Variants in CCDC102A observed in about 807,000 individuals in gnomAD.
CCDC102A encodes the protein coiled-coil domain-containing protein 102A.
CCDC102A carries 40 observed loss-of-function variants against 55.5 expected under a neutral mutation model. That is an observed-to-expected ratio of 0.72 (90% confidence interval 0.56 to 0.94). CCDC102A has a LOEUF of 0.94. Ranked by LOEUF, CCDC102A falls within the 40% of genes least tolerant of loss-of-function variation. The probability of loss-of-function intolerance (pLI) is 0.00; values close to 1 mark genes in which losing one functional copy is unlikely to be tolerated. For missense variants in CCDC102A, 779 were observed against 768.6 expected (o/e 1.01, Z -0.16); for synonymous variants, 323 against 339.0 (o/e 0.95, Z 0.52).
rs762397265 is a variant in CCDC102A, at chr16:57,518,112, A to G, written c.1204T>C (p.Cys402Arg). Residue 402 changes from cysteine to arginine, a missense_variant, in exon 6 of 9, where the codon TGC (cysteine) becomes CGC (arginine). Physicochemically the swap from Cys to Arg is radical, Grantham distance 180. Transcript: ENST00000258214. The stretch of plus-strand genomic sequence containing the variant: ...GCGGCCTGGCTGGCCCTCAGGTCGC[A>G]GTCCAGTGCGCTGGCTGTTTGCCGC... ...RRRQTASALDCDLRASQAALF... is the reference protein window; with the variant it reads ...RRRQTASALDRDLRASQAALF... The G allele has an allele frequency of 3.7e-6, 6 of 1,607,908 alleles. No homozygotes were observed. Among genetic ancestry groups the G allele is most frequent in the African/African-American group, 1.3e-5 (1 of 74,998 alleles).
chr16:57,528,546 C>T, intron 2 of CCDC102A, 47 bp downstream of exon 2: 13 of 1,153,602 alleles, frequency 1.1e-5, no homozygotes, highest in Non-Finnish European at 1.3e-5. Flanking sequence ...CAATCGGCCC[C>T]GCCCACTTCG....
chr16:57,528,606 G>A lies in CCDC102A; in HGVS notation c.572C>T (p.Pro191Leu), dbSNP rs1198847357. The change falls in exon 2 of 9, where the codon CCG becomes CTG. Residue 191 changes from proline to leucine, a missense_variant. Transcript: ENST00000258214. ...EPVRDVGSER[P>L]PGSQELELVE... Reference sequence around the variant, plus strand: ...CGCGCCGCGCACCTGGCTGCCTGGCGGCCTCTCGGACCCGACGTCACGCAC... The same window carrying A: ...CGCGCCGCGCACCTGGCTGCCTGGCAGCCTCTCGGACCCGACGTCACGCAC... The A allele has an allele frequency of 1.6e-6, 2 of 1,270,630 alleles. No homozygotes were observed. The highest frequency in any genetic ancestry group is 3.9e-5 in the East Asian group (1 of 25,648). The allele number at this position is 1,270,630 out of a possible 1,614,324, so 78.7% of individuals were successfully genotyped here.
intron 3 of CCDC102A, among the ~76,000 whole-genome samples, chr16:57,524,908 C>T (rs901952340): frequency 5.3e-5 from 8 of 152,080 alleles, no homozygotes; most frequent in Admixed American, 3.9e-4. Flanking sequence ...CTCTGTCCTC[C>T]GGGAAACGGT....
rs1240927680 is a variant in CCDC102A at position 57,516,923 on chromosome 16, G to A, written c.1249-460C>T. The stretch of plus-strand genomic sequence containing the variant: ...AAAGAGATGCCCACCCTGGAGCTCT[G>A]TGAGTTCTCTAAGCCTCAGTTTCCA... On this transcript the variant is annotated intron_variant, in intron 6 of 8. Coordinates refer to ENST00000258214, the MANE Select transcript of CCDC102A (RefSeq NM_033212.4). The surrounding 1 kb of genome is among the most constrained non-coding windows in gnomAD (Gnocchi z 4.4). Among the ~76,000 whole-genome samples the A allele has an allele frequency of 6.6e-6, 1 of 152,188 alleles. No individual in the cohort carries two copies. The highest frequency in any genetic ancestry group is 1.5e-5 in the Non-Finnish European group (1 of 68,028).
Position 57,518,288 on chromosome 16 carries a change from G to C in CCDC102A, c.1039-11C>G. 1 of 1,605,596 alleles carries C rather than the reference G, an allele frequency of 6.2e-7. No homozygotes were observed. The highest frequency in any genetic ancestry group is 8.5e-7 in the Non-Finnish European group (1 of 1,179,486). ...CTGCAGCCGCTCCATCTGCAGCAGG[G>C]CAGGGCAGAGTGAGGACTCCCAGCG... On this transcript the variant is annotated splice_polypyrimidine_tract_variant and intron_variant, in intron 5 of 8. Transcript: ENST00000258214.
chr16:57,528,681 A>AC lies in CCDC102A; in HGVS notation c.496dup (p.Val166GlyfsTer20), dbSNP rs1179119748. On this transcript the variant is annotated frameshift_variant, in exon 2 of 9. Transcript: ENST00000258214. LOFTEE classifies it high-confidence loss of function. ...GGGGCCGTCGCGCGTCTGGTCGGCGACCCCCCGGGCGCCCCTCAGCCGCGC... is the reference window on the plus strand; with the variant it reads ...GGGGCCGTCGCGCGTCTGGTCGGCGACCCCCCCGGGCGCCCCTCAGCCGCGC... 13 of 1,124,666 alleles carry AC rather than the reference A, an allele frequency of 1.2e-5. No homozygotes were observed. The highest frequency in any genetic ancestry group is 5.9e-5 in the South Asian group (2 of 33,696). The allele number at this position is 1,124,666 out of a possible 1,614,324, so 69.7% of individuals were successfully genotyped here.
chr16:57,529,094 C>T lies in CCDC102A; in HGVS notation c.84G>A (p.Ser28=). 2 of 1,175,138 alleles carry T rather than the reference C, an allele frequency of 1.7e-6. No individual in the cohort carries two copies. Among genetic ancestry groups the T allele is most frequent in the Non-Finnish European group, 2.1e-6 (2 of 951,346 alleles). 72.8% of individuals were successfully genotyped at this position (1,175,138 alleles called of 1,614,324 possible). Residue 28 remains serine (S), a synonymous_variant, in exon 2 of 9, where the codon TCG becomes TCA. Coordinates refer to ENST00000258214, the MANE Select transcript of CCDC102A (RefSeq NM_033212.4). The surrounding 1 kb of genome is among the most constrained non-coding windows in gnomAD (Gnocchi z 4.1). ...AGTCGGCAGGCCCCATGCGCTCCGG[C>T]GACGGGCTGCCCAGGATGGTCAGGA... ...GSLLTILGSP[S]PERMGPADSL... is the part of the protein sequence containing the mutation.
Position 57,527,995 on chromosome 16 carries a change from T to A in CCDC102A, c.585+598A>T, listed in dbSNP as rs951847840. On this transcript the variant is annotated intron_variant, in intron 2 of 8. Transcript: ENST00000258214. ...TTAGAGGTGGAGTTGTTGCCCAGGC[T>A]GGAGTGCAGCAGTATAGTCATATTT... Among the ~76,000 whole-genome samples, 14 of 152,370 alleles carry A rather than the reference T, an allele frequency of 9.2e-5. 1 individual carries two copies. The highest frequency in any genetic ancestry group is 5.9e-4 in the Admixed American group (9 of 15,298).
At chr16:57,520,042 T>A (rs570769997) in intron 4 of CCDC102A, among the ~76,000 whole-genome samples, 65 of 152,330 alleles carry the variant, frequency 4.3e-4, no homozygotes, top group African/African-American at 1.5e-3. Flanking sequence ...GAGCCTCAGT[T>A]TCCCTATCTG....
intron 8 of CCDC102A, among the ~76,000 whole-genome samples, chr16:57,515,139 C>T (rs1307448069): frequency 6.6e-6 from 1 of 152,192 alleles, no homozygotes; most frequent in African/African-American, 2.4e-5. Context: ...CCAGGGCCTG[C>T]AGCTGGCCTG....
intron 5 of CCDC102A, 59 bp downstream of exon 5, chr16:57,518,566 G>A: frequency 7.5e-7 from 1 of 1,337,316 alleles, no homozygotes; most frequent in Non-Finnish European, 1.1e-6. Context: ...ACCTGCTGAT[G>A]GAGCAGGGCC....
At position 57,518,030 on chromosome 16, in the gene CCDC102A, G is replaced by A. The variant is rs544076808; in HGVS notation, c.1248+38C>T. The A allele has an allele frequency of 5.9e-5, 92 of 1,546,440 alleles. 1 individual carries two copies. The South Asian group carries it at 8.2e-4, about 14-fold the overall frequency. Reference sequence around the variant, plus strand: ...CTGCGCTCTGGCTGGATGGGGAGGTGGCAGCCCCAGCACTGGCCACTCCAC... The same window carrying A: ...CTGCGCTCTGGCTGGATGGGGAGGTAGCAGCCCCAGCACTGGCCACTCCAC... On this transcript the variant is annotated intron_variant, in intron 6 of 8. Transcript: ENST00000258214.
chr16:57,531,922 A>C (rs1414712973), intron 1 of CCDC102A, among the ~76,000 whole-genome samples: 1 of 152,112 alleles, frequency 6.6e-6, no homozygotes, highest in Non-Finnish European at 1.5e-5. Flanking sequence ...TATTTTTTAA[A>C]ACTCATGACC....
intron 8 of CCDC102A, 64 bp from the exon 9 acceptor site, chr16:57,512,934 G>C: frequency 2.1e-6 from 3 of 1,433,532 alleles, no homozygotes; most frequent in Non-Finnish European, 2.9e-6. Flanking sequence ...TAAGGTGGCT[G>C]CAGCTGGTGC....
At chr16:57,518,788 G>T in intron 4 of CCDC102A, 47 bp from the exon 5 acceptor site, 4 of 1,457,664 alleles carry the variant, frequency 2.7e-6, no homozygotes, top group Non-Finnish European at 3.8e-6. Context: ...CCAGGATATA[G>T]CCTGGAACCA....
chr16:57,530,181 C>T (rs1209324184), intron 1 of CCDC102A, among the ~76,000 whole-genome samples: 2 of 152,152 alleles, frequency 1.3e-5, no homozygotes, highest in African/African-American at 4.8e-5. Flanking sequence ...CGGAACCACC[C>T]CTCCCTGACA....
intron 7 of CCDC102A, among the ~76,000 whole-genome samples, chr16:57,515,935 C>A (rs1203505056): frequency 1.3e-5 from 2 of 151,982 alleles, no homozygotes; most frequent in Admixed American, 6.6e-5. Flanking sequence ...GTCCATCCAT[C>A]TGTCCACTCT....
intron 8 of CCDC102A, among the ~76,000 whole-genome samples, chr16:57,514,570 C>T (rs1409634256): frequency 6.6e-6 from 1 of 152,200 alleles, no homozygotes; most frequent in Non-Finnish European, 1.5e-5. Flanking sequence ...ATCATCATCC[C>T]CATTTTACAG....
intron 1 of CCDC102A, among the ~76,000 whole-genome samples, chr16:57,533,325 C>T (rs1376383876): frequency 6.6e-6 from 1 of 152,008 alleles, no homozygotes. Flanking sequence ...TCTGGAGAAG[C>T]CCACCCCGCC....
Sources: gnomAD v4.1 joint callset for allele counts (sites outside exome capture counted in the v4.1 genomes callset) on GRCh38, gnomAD v4.1.1 for gene constraint, Gnocchi (gnomAD v3.1) non-coding constraint, MANE v1.5 for transcripts, NCBI Gene and HGNC (gene_info 2026-07-23, HGNC 2026-07-21) for gene names.